MAN1A1: variants seen among roughly 807,000 people sequenced by gnomAD.
The protein encoded by MAN1A1 is mannosyl-oligosaccharide 1,2-alpha-mannosidase IA.
In MAN1A1, 29 loss-of-function variants were observed where a neutral mutation model predicts 70.8. The observed-to-expected ratio is 0.41, with a 90% CI of 0.31 to 0.56. The LOEUF (loss-of-function observed/expected upper bound fraction) is 0.56, where lower values mean the gene tolerates loss of function less well. Ranked by LOEUF, MAN1A1 falls within the 20% of genes least tolerant of loss-of-function variation. The pLI, the probability that MAN1A1 is intolerant of heterozygous loss-of-function variation, is 0.29. For synonymous variants in MAN1A1, 349 were observed against 330.1 expected (o/e 1.06, Z -0.62); for missense variants, 747 against 841.3 (o/e 0.89, Z 1.39).
chr6:119,291,643 T>C (rs1384516436), intron 4 of MAN1A1, among the ~76,000 whole-genome samples: 4 of 151,974 alleles, frequency 2.6e-5, no homozygotes, highest in Non-Finnish European at 5.9e-5. Context: ...TAGGAATCTT[T>C]TCATCATGAT....
chr6:119,256,849 A>G (rs1189913551), intron 5 of MAN1A1, among the ~76,000 whole-genome samples: 1 of 152,156 alleles, frequency 6.6e-6, no homozygotes, highest in East Asian at 1.9e-4. Context: ...CTACATATTT[A>G]CCAACGTGGT....
chr6:119,264,818 G>A (rs1213225387), intron 5 of MAN1A1, among the ~76,000 whole-genome samples: 3 of 152,020 alleles, frequency 2.0e-5, no homozygotes, highest in African/African-American at 7.2e-5. Context: ...AGTTTTAAAG[G>A]GCCATTTATA....
intron 2 of MAN1A1, among the ~76,000 whole-genome samples, chr6:119,340,734 T>C (rs1477747591): frequency 2.0e-5 from 3 of 152,160 alleles, no homozygotes; most frequent in Admixed American, 6.5e-5. Flanking sequence ...CCCTCTCTCA[T>C]ACTAAGTTGC....
chr6:119,212,306 T>C (rs949044818), intron 6 of MAN1A1, among the ~76,000 whole-genome samples: 36 of 152,284 alleles, frequency 2.4e-4, no homozygotes, highest in African/African-American at 8.7e-4. Flanking sequence ...CAATTACTAT[T>C]GGAAAGAACA....
chr6:119,212,512 C>G (rs916840812), intron 6 of MAN1A1, among the ~76,000 whole-genome samples: 13 of 152,104 alleles, frequency 8.5e-5, no homozygotes, highest in African/African-American at 2.7e-4. Flanking sequence ...TGCCCGTTAC[C>G]GTGCCATCCA....
intron 2 of MAN1A1, among the ~76,000 whole-genome samples, chr6:119,333,455 C>T (rs1773375022): frequency 6.6e-6 from 1 of 152,200 alleles, no homozygotes; most frequent in African/African-American, 2.4e-5. Flanking sequence ...TATAATACCA[C>T]TTCTGCAACT....
chr6:119,278,158 CA>C (rs1211369577), intron 5 of MAN1A1, among the ~76,000 whole-genome samples: 1 of 151,494 alleles, frequency 6.6e-6, no homozygotes, highest in Admixed American at 6.6e-5. Context: ...AAAAACAAAA[CA>C]AAACAAAAAC....
chr6:119,200,314 A>C (rs1381438123), intron 8 of MAN1A1, among the ~76,000 whole-genome samples: 1 of 152,186 alleles, frequency 6.6e-6, no homozygotes, highest in Non-Finnish European at 1.5e-5. Flanking sequence ...TGATCTGTTG[A>C]CCACACTTAG....
At chr6:119,346,152 C>T (rs759700097) in intron 2 of MAN1A1, among the ~76,000 whole-genome samples, 1 of 152,088 alleles carries the variant, frequency 6.6e-6, no homozygotes, top group Non-Finnish European at 1.5e-5. Flanking sequence ...AAAACTAAGG[C>T]AAAGATCTAC....
At chr6:119,182,679 A>G (rs1274228747) in intron 11 of MAN1A1, among the ~76,000 whole-genome samples, 1 of 152,186 alleles carries the variant, frequency 6.6e-6, no homozygotes, top group African/African-American at 2.4e-5. Flanking sequence ...AAAAATTGCC[A>G]TCTGCAATCT....
At position 119,189,822 on chromosome 6, in the gene MAN1A1, T is replaced by C. The variant is rs754115238; in HGVS notation, c.1388A>G (p.Lys463Arg). The C allele has an allele frequency of 6.2e-7, 1 of 1,614,142 alleles. No individual in the cohort carries two copies. The highest frequency in any genetic ancestry group is 8.5e-7 in the Non-Finnish European group (1 of 1,180,004). The change falls in exon 10 of 13, where the codon AAA (lysine) becomes AGA (arginine). Residue 463 changes from lysine (K) to arginine (R), a missense_variant. Physicochemically the swap from Lys to Arg is conservative, Grantham distance 26 (BLOSUM62 2). Coordinates refer to ENST00000368468, the MANE Select transcript of MAN1A1 (RefSeq NM_005907.4). ...SSGLTYIAEW[K>R]GGLLEHKMGH... ...CATCTTGTGCTCCAGGAGGCCCCCT[T>C]TCCACTCTGCGATATAAGTTAGTCC...
At position 119,349,683 on chromosome 6, in the gene MAN1A1, T is replaced by A; in HGVS notation, c.-364A>T. On this transcript the variant is annotated 5_prime_UTR_variant, in exon 1 of 13. Transcript: ENST00000368468. The stretch of plus-strand genomic sequence containing the variant: ...TCCCGCAGCCCCGGCGCGGCTCAGG[T>A]GGGCGAGCGCGCCGACCTGCGGGCG... The A allele has an allele frequency of 1.0e-6, 1 of 985,822 alleles. No individual in the cohort carries two copies. Among genetic ancestry groups the A allele is most frequent in the Non-Finnish European group, 1.2e-6 (1 of 830,016 alleles). The allele number at this position is 985,822 out of a possible 1,614,324, so 61.1% of individuals were successfully genotyped here.
At chr6:119,257,316 T>A (rs534683990) in intron 5 of MAN1A1, among the ~76,000 whole-genome samples, 1 of 152,196 alleles carries the variant, frequency 6.6e-6, no homozygotes, top group South Asian at 2.1e-4. Flanking sequence ...GAAGAGAAGT[T>A]TAAAAGATGG....
intron 3 of MAN1A1, among the ~76,000 whole-genome samples, chr6:119,305,726 T>C (rs1772508730): frequency 6.6e-6 from 1 of 152,178 alleles, no homozygotes; most frequent in African/African-American, 2.4e-5. Context: ...CCTGGCGCAT[T>C]GATAAATCAC....
chr6:119,219,790 T>A (rs906828143), intron 6 of MAN1A1, among the ~76,000 whole-genome samples: 8 of 152,108 alleles, frequency 5.3e-5, no homozygotes, highest in African/African-American at 1.7e-4. Flanking sequence ...CTACCAAATA[T>A]GTAGTATTTT....
intron 5 of MAN1A1, among the ~76,000 whole-genome samples, chr6:119,286,071 A>T (rs1776366798): frequency 6.6e-6 from 1 of 152,104 alleles, no homozygotes; most frequent in Non-Finnish European, 1.5e-5. Flanking sequence ...CCCTAACTTT[A>T]TTCTCTGTTT....
chr6:119,287,929 CT>C (rs1457263698), intron 5 of MAN1A1, among the ~76,000 whole-genome samples: 1 of 151,930 alleles, frequency 6.6e-6, no homozygotes, highest in Non-Finnish European at 1.5e-5. Context: ...GGTTGAGCTT[CT>C]TATATAGCAT....
chr6:119,287,276 C>T (rs79885375), intron 5 of MAN1A1, among the ~76,000 whole-genome samples: 4,258 of 152,164 alleles, frequency 0.028, 94 homozygotes, highest in Non-Finnish European at 0.045. Flanking sequence ...GCTCTTCAGC[C>T]CTCTCTCTGA....
At chr6:119,306,630 A>T (rs1338537742) in intron 3 of MAN1A1, among the ~76,000 whole-genome samples, 2 of 152,198 alleles carry the variant, frequency 1.3e-5, no homozygotes, top group Non-Finnish European at 2.9e-5. Flanking sequence ...CCCTATAACC[A>T]TTAAGTGAGA....
Sources: allele counts gnomAD v4.1 joint callset (sites outside exome capture counted in the v4.1 genomes callset), GRCh38; gene constraint gnomAD v4.1.1; transcripts MANE v1.5; gene names NCBI Gene and HGNC (gene_info 2026-07-23, HGNC 2026-07-21).